The following SYNPO variants were observed in gnomAD, a reference collection of about 807,000 sequenced individuals.
SYNPO encodes the protein synaptopodin.
SYNPO carries 19 observed loss-of-function variants against 49.5 expected under a neutral mutation model. The ratio of observed to expected loss-of-function variants is 0.38; its 90% CI spans 0.27 to 0.56. SYNPO has a LOEUF of 0.56. SYNPO is among the 20% of genes least tolerant of loss of function. The probability of loss-of-function intolerance (pLI) is 0.68; values close to 1 mark genes in which losing one functional copy is unlikely to be tolerated. For synonymous variants in SYNPO, 536 were observed against 548.0 expected (o/e 0.98, Z 0.31); for missense variants, 1,131 against 1,248.3 (o/e 0.91, Z 1.42).
At chr5:150,609,318 G>C (rs1235160653) in intron 1 of SYNPO, among the ~76,000 whole-genome samples, 1 of 152,134 alleles carries the variant, frequency 6.6e-6, no homozygotes. Context: ...TTTTGAGATG[G>C]AGTTTCACTC....
chr5:150,613,077 C>T (rs556355409), intron 1 of SYNPO, among the ~76,000 whole-genome samples: 200 of 152,318 alleles, frequency 1.3e-3, no homozygotes, highest in African/African-American at 4.6e-3. Context: ...CTGGTCCTGG[C>T]CTGTTGCTTT....
At chr5:150,600,229 G>A (rs1756496936), upstream of SYNPO, among the ~76,000 whole-genome samples, 1 of 152,260 alleles carries the variant, frequency 6.6e-6, no homozygotes, top group African/African-American at 2.4e-5. Flanking sequence ...GGATCTGCCG[G>A]CCTGAAGGGG....
At chr5:150,587,472 G>A in the SYNPO span, among the ~76,000 whole-genome samples, 1 of 151,950 alleles carries the variant, frequency 6.6e-6, no homozygotes, top group Non-Finnish European at 1.5e-5. Context: ...ATGCTGGGTA[G>A]GTAGGTGGAT....
Position 150,648,175 on chromosome 5 carries a change from A to G in SYNPO, c.-101A>G. On this transcript the variant is annotated 5_prime_UTR_variant, in exon 2 of 3. The change abolishes an upstream ATG in the 5' untranslated region. Transcript: ENST00000307662. The surrounding 1 kb of genome is among the most constrained non-coding windows in gnomAD (Gnocchi z 5.0). The stretch of plus-strand genomic sequence containing the variant: ...GTGCTCCCTTCAAGCCTCCCAGGCC[A>G]TGCACCGGGGCTCAGCCTGAGTTCC... 6.4e-7 allele frequency: 1 copy of G among 1,567,824 alleles called. No individual in the cohort carries two copies. The highest frequency in any genetic ancestry group is 8.7e-7 in the Non-Finnish European group (1 of 1,155,890).
chr5:150,638,686 C>T (rs1019722901), upstream of SYNPO, among the ~76,000 whole-genome samples: 3 of 152,184 alleles, frequency 2.0e-5, no homozygotes, highest in African/African-American at 7.2e-5. Context: ...TGTGTCAGGC[C>T]CTGGGAAGAG....
chr5:150,610,440 C>T (rs1756815542), intron 1 of SYNPO, among the ~76,000 whole-genome samples: 3 of 152,326 alleles, frequency 2.0e-5, no homozygotes, highest in South Asian at 4.1e-4. Flanking sequence ...TGGGCACAGA[C>T]TCACCCTCTG....
rs916177787 is a variant in SYNPO, at chr5:150,624,977, A to G, written c.400+6210A>G. On this transcript the variant is annotated intron_variant, in intron 2 of 2. Transcript: ENST00000394243. ...AGCCTCGCCCCTTCCCACCTGCGCT[A>G]TTCCCGGCGCCGCCCAGGAGGAGGT... 4 of 985,188 alleles carry G rather than the reference A, an allele frequency of 4.1e-6. No homozygotes were observed. In the African/African-American group the frequency reaches 5.2e-5, roughly 13 times the overall value. The allele number at this position is 985,188 out of a possible 1,614,324, so 61.0% of individuals were successfully genotyped here.
the SYNPO span, among the ~76,000 whole-genome samples, chr5:150,588,235 C>A: frequency 6.6e-6 from 1 of 152,322 alleles, no homozygotes; most frequent in South Asian, 2.1e-4. Flanking sequence ...CTTGAGCCAG[C>A]CTGGCCACCG....
intron 1 of SYNPO, among the ~76,000 whole-genome samples, chr5:150,604,563 T>C (rs1756638829): frequency 6.6e-6 from 1 of 152,194 alleles, no homozygotes; most frequent in Non-Finnish European, 1.5e-5. Context: ...ATGTTAACTT[T>C]AGGCGAGGAA....
chr5:150,632,666 G>T (rs1021692204), intron 2 of SYNPO, among the ~76,000 whole-genome samples: 1 of 152,184 alleles, frequency 6.6e-6, no homozygotes, highest in African/African-American at 2.4e-5. Flanking sequence ...TTATGGGTTT[G>T]GAGAAGGAGT....
intron 1 of SYNPO, among the ~76,000 whole-genome samples, chr5:150,644,050 C>T (rs1235239960): frequency 2.6e-5 from 4 of 151,914 alleles, no homozygotes; most frequent in Admixed American, 2.6e-4. Flanking sequence ...TGGCATATGC[C>T]TATAGTCCCA....
At chr5:150,640,072 C>A, upstream of SYNPO, 1 of 937,332 alleles carries the variant, frequency 1.1e-6, no homozygotes, top group Non-Finnish European at 1.3e-6. Context: ...GAGGATAGTG[C>A]TGGCCTCATG....
upstream of SYNPO, among the ~76,000 whole-genome samples, chr5:150,636,736 G>C (rs1280341974): frequency 6.6e-6 from 1 of 151,674 alleles, no homozygotes; most frequent in Non-Finnish European, 1.5e-5. Flanking sequence ...AGGGGGCCTG[G>C]GGTTCAAAAC....
rs1758227268 is a variant in SYNPO, at chr5:150,648,947, G to A, written c.672G>A (p.Glu224=). 14 of 1,614,110 alleles carry A rather than the reference G, an allele frequency of 8.7e-6. No homozygotes were observed. Among genetic ancestry groups the A allele is most frequent in the Non-Finnish European group, 1.2e-5 (14 of 1,180,058 alleles). Residue 224 remains glutamate, a synonymous_variant, in exon 2 of 3, where the codon GAG becomes GAA. Transcript: ENST00000307662. The surrounding 1 kb of genome is among the most constrained non-coding windows in gnomAD (Gnocchi z 5.0). ...CCACGCCCACCAAGGTCTACAGTGA[G>A]GTCCACTTCACACTGGCCAAGCCCC... is the stretch of plus-strand genomic sequence containing the variant. ...AATTPTKVYS[E]VHFTLAKPPS...
At chr5:150,627,371 A>C (rs753146988) in intron 2 of SYNPO, among the ~76,000 whole-genome samples, 14 of 152,190 alleles carry the variant, frequency 9.2e-5, no homozygotes, top group Non-Finnish European at 2.1e-4. Flanking sequence ...TGCTAGGCCA[A>C]CCTCTGCTGC....
chr5:150,625,863 C>G (rs1355905550), intron 2 of SYNPO, among the ~76,000 whole-genome samples: 2 of 152,190 alleles, frequency 1.3e-5, no homozygotes, highest in African/African-American at 4.8e-5. Flanking sequence ...ATCCCCCATC[C>G]CCCACCCTGT....
At position 150,656,746 on chromosome 5, in the gene SYNPO, C is replaced by T. The variant is rs1422954481; in HGVS notation, c.2371C>T (p.Pro791Ser). ...RPFSPPRAPP[P>S]PPPPPPPPPR... ...CTTCTCCCCGCCGAGGGCGCCACCG[C>T]CCCCGCCCCCGCCCCCGCCCCCGCC... is the stretch of plus-strand genomic sequence containing the variant. The change falls in exon 3 of 3, where the codon CCC becomes TCC. Residue 791 changes from proline (P) to serine (S), a missense_variant. Physicochemically the swap from Pro to Ser is moderately conservative, Grantham distance 74 (BLOSUM62 -1). Coordinates refer to ENST00000307662, the MANE Select transcript of SYNPO (RefSeq NM_007286.6). 5 of 1,144,054 alleles carry T rather than the reference C, an allele frequency of 4.4e-6. No homozygotes were observed. Among genetic ancestry groups the T allele is most frequent in the Non-Finnish European group, 4.2e-6 (4 of 942,944 alleles). 70.9% of individuals were successfully genotyped at this position (1,144,054 alleles called of 1,614,324 possible). A position where few individuals can be genotyped will look rare whatever the true frequency, so the allele number is the denominator to read the frequency against.
intron 2 of SYNPO, among the ~76,000 whole-genome samples, chr5:150,628,580 G>T (rs1255798466): frequency 6.6e-6 from 1 of 152,138 alleles, no homozygotes; most frequent in Non-Finnish European, 1.5e-5. Flanking sequence ...AAAAAAAAAT[G>T]AGCTACCATT....
chr5:150,638,129 C>T (rs1022036343), upstream of SYNPO, among the ~76,000 whole-genome samples: 8 of 152,128 alleles, frequency 5.3e-5, no homozygotes, highest in African/African-American at 1.9e-4. Flanking sequence ...TCTTGAACCT[C>T]CTAGTCTCTG....
Sources: gnomAD v4.1 joint callset for allele counts (sites outside exome capture counted in the v4.1 genomes callset) on GRCh38, gnomAD v4.1.1 for gene constraint, Gnocchi (gnomAD v3.1) non-coding constraint, MANE v1.5 for transcripts, NCBI Gene and HGNC (gene_info 2026-07-23, HGNC 2026-07-21) for gene names.